The following ZBTB20 variants were observed in gnomAD, a reference collection of about 807,000 sequenced individuals.
The protein encoded by ZBTB20 is zinc finger and BTB domain-containing protein 20.
In ZBTB20, 9 loss-of-function variants were observed where a neutral mutation model predicts 56.9. The ratio of observed to expected loss-of-function variants is 0.16; its 90% confidence interval spans 0.10 to 0.28. The LOEUF is 0.28. Ranked by LOEUF, ZBTB20 falls within the 10% of genes least tolerant of loss-of-function variation. The pLI is 1.00. For synonymous variants in ZBTB20, 417 were observed against 420.7 expected, an observed-to-expected ratio of 0.99 and a Z score of 0.11; for missense variants, 655 against 1,003.0, an observed-to-expected ratio of 0.65 and a Z score of 4.69.
At chr3:114,734,789 T>A (rs1026134109) in intron 5 of ZBTB20, among the ~76,000 whole-genome samples, 1 of 152,000 alleles carries the variant, frequency 6.6e-6, no homozygotes, top group African/African-American at 2.4e-5. Context: ...GGGTCATGAG[T>A]GGATGGAGCC....
chr3:115,003,513 TTAAAACAGGAAACA>T (rs1258526762), intron 2 of ZBTB20, among the ~76,000 whole-genome samples: 4 of 151,546 alleles, frequency 2.6e-5, no homozygotes, highest in Non-Finnish European at 5.9e-5. Context: ...TTTCTAAAAT[TTAAAACAGGAAACA>T]TAAAACAACT....
chr3:114,325,292 A>G lies in ZBTB20; in HGVS notation c.*13713T>C, dbSNP rs1010516945. On this transcript the variant is annotated 3_prime_UTR_variant, in exon 12 of 12. Coordinates refer to ENST00000675478, the MANE Select transcript of ZBTB20 (RefSeq NM_001348800.3). ...AAATCTACAGCTGGTTCCAAATTAA[A>G]GTTTGTCCCAAGGAGAGCAAGAGCA... 6.6e-6 allele frequency: 1 copy of G among 152,204 alleles called. No individual in the cohort carries two copies. The highest frequency in any genetic ancestry group is 2.4e-5 in the African/African-American group (1 of 41,450). The allele number at this position is 152,204 out of a possible 1,614,324, so 9.4% of individuals were successfully genotyped here.
intron 8 of ZBTB20, chr3:114,387,758 G>A (rs2085330683): frequency 6.6e-6 from 1 of 152,252 alleles, no homozygotes. Context: ...ACTTAAGGAT[G>A]AATGAAGGTA....
At chr3:114,862,297 C>T (rs538517647) in intron 4 of ZBTB20, among the ~76,000 whole-genome samples, 1 of 152,112 alleles carries the variant, frequency 6.6e-6, no homozygotes, top group Non-Finnish European at 1.5e-5. Flanking sequence ...CTTGCCAGGG[C>T]CACACGGTAA....
chr3:114,538,439 C>T (rs1462717295), intron 6 of ZBTB20, among the ~76,000 whole-genome samples: 1 of 152,106 alleles, frequency 6.6e-6, no homozygotes, highest in African/African-American at 2.4e-5. Context: ...TCCTCTTTTG[C>T]TTCCTCCCTT....
intron 6 of ZBTB20, among the ~76,000 whole-genome samples, chr3:114,552,611 A>C (rs1577494730): frequency 6.6e-6 from 1 of 152,364 alleles, no homozygotes; most frequent in East Asian, 1.9e-4. Context: ...ATTTCTAAAC[A>C]ATATAATTAT....
At chr3:115,098,656 A>G (rs1226561706) in intron 1 of ZBTB20, among the ~76,000 whole-genome samples, 2 of 152,174 alleles carry the variant, frequency 1.3e-5, no homozygotes, top group Non-Finnish European at 2.9e-5. Flanking sequence ...TTAAAAGAAG[A>G]GGTAAAAAAG....
chr3:114,869,759 A>G (rs926972818), intron 4 of ZBTB20, among the ~76,000 whole-genome samples: 1 of 152,228 alleles, frequency 6.6e-6, no homozygotes, highest in Admixed American at 6.5e-5. Context: ...TGATGGCCAC[A>G]GCTTTTCTAA....
intron 6 of ZBTB20, among the ~76,000 whole-genome samples, chr3:114,656,505 T>C (rs951420740): frequency 6.6e-6 from 1 of 152,182 alleles, no homozygotes; most frequent in East Asian, 1.9e-4. Context: ...GTTGATATTG[T>C]TGTACAGATC....
chr3:115,104,836 A>T (rs143102563), intron 1 of ZBTB20, among the ~76,000 whole-genome samples: 2,322 of 152,304 alleles, frequency 0.015, 33 homozygotes, highest in South Asian at 0.05. Flanking sequence ...ACCAAGAGTG[A>T]ACCTTAATGT....
At chr3:114,529,400 G>A (rs916944751) in intron 6 of ZBTB20, 1 of 152,206 alleles carries the variant, frequency 6.6e-6, no homozygotes, top group African/African-American at 2.4e-5. Flanking sequence ...AGATTTGGGA[G>A]TGTGCGTATT....
Position 114,765,732 on chromosome 3 carries a change from A to G in ZBTB20, c.-343+35369T>C, listed in dbSNP as rs568870212. Reference sequence around the variant, plus strand: ...ATATTGTTTAAGAAGGTTGAAAAATATAAGATTCATTGCAGAAAACGAATC... The same window carrying G: ...ATATTGTTTAAGAAGGTTGAAAAATGTAAGATTCATTGCAGAAAACGAATC... On this transcript the variant is annotated intron_variant, in intron 5 of 11. Coordinates refer to ENST00000675478, the MANE Select transcript of ZBTB20 (RefSeq NM_001348800.3). 1.1e-4 allele frequency among the ~76,000 whole-genome samples: 16 copies of G among 152,344 alleles called. 1 individual carries two copies. The highest frequency in any genetic ancestry group is 3.8e-4 in the African/African-American group (16 of 41,598).
chr3:114,450,523 G>A (rs1385479447), intron 7 of ZBTB20, among the ~76,000 whole-genome samples: 1 of 152,084 alleles, frequency 6.6e-6, no homozygotes, highest in Non-Finnish European at 1.5e-5. Context: ...CTATGATAAG[G>A]CATTACAAAT....
At chr3:114,491,021 C>T (rs754168632) in intron 7 of ZBTB20, among the ~76,000 whole-genome samples, 2 of 152,184 alleles carry the variant, frequency 1.3e-5, no homozygotes, top group East Asian at 3.8e-4. Flanking sequence ...GGACTGTGAG[C>T]TATTTGAAGG....
At chr3:114,673,585 T>G (rs2061475103) in intron 6 of ZBTB20, among the ~76,000 whole-genome samples, 1 of 152,058 alleles carries the variant, frequency 6.6e-6, no homozygotes, top group Non-Finnish European at 1.5e-5. Flanking sequence ...GGGTGAAAAT[T>G]AAGATAAATC....
chr3:114,691,702 G>T (rs1209664123), intron 6 of ZBTB20, among the ~76,000 whole-genome samples: 2 of 152,010 alleles, frequency 1.3e-5, no homozygotes, highest in Admixed American at 1.3e-4. Context: ...TATATAGAAA[G>T]TATGATAACA....
At chr3:114,597,399 A>C (rs2056406787) in intron 6 of ZBTB20, among the ~76,000 whole-genome samples, 1 of 152,164 alleles carries the variant, frequency 6.6e-6, no homozygotes, top group Admixed American at 6.6e-5. Flanking sequence ...GTGTAACTCA[A>C]TATATTTTAA....
At chr3:114,716,395 C>G (rs1396782450) in intron 5 of ZBTB20, among the ~76,000 whole-genome samples, 1 of 152,140 alleles carries the variant, frequency 6.6e-6, no homozygotes, top group African/African-American at 2.4e-5. Context: ...AAGACACTAT[C>G]ATATTTCTTC....
intron 5 of ZBTB20, among the ~76,000 whole-genome samples, chr3:114,714,620 T>G (rs1339291872): frequency 6.6e-6 from 1 of 152,098 alleles, no homozygotes; most frequent in Non-Finnish European, 1.5e-5. Flanking sequence ...CTTTTCCATG[T>G]GTGCAATGTT....
Sources: allele counts gnomAD v4.1 joint callset (sites outside exome capture counted in the v4.1 genomes callset), GRCh38; gene constraint gnomAD v4.1.1; transcripts MANE v1.5; gene names NCBI Gene and HGNC (gene_info 2026-07-23, HGNC 2026-07-21).